KDM4C: variants seen among roughly 807,000 people sequenced by gnomAD.
The protein encoded by KDM4C is lysine demethylase 4C.
KDM4C carries 81 observed loss-of-function variants against 129.3 expected under a neutral mutation model. The ratio of observed to expected loss-of-function variants is 0.63; its 90% confidence interval spans 0.52 to 0.75. KDM4C has a LOEUF of 0.75. Ranked by LOEUF, KDM4C falls within the 30% of genes least tolerant of loss-of-function variation. The probability of loss-of-function intolerance (pLI) is 0.00; values close to 1 mark genes in which losing one functional copy is unlikely to be tolerated. For synonymous variants in KDM4C, 573 were observed against 456.1 expected, an observed-to-expected ratio of 1.26 and a Z score of -3.26; for missense variants, 1,457 against 1,304.0, an observed-to-expected ratio of 1.12 and a Z score of -1.81.
rs1388649805 is a variant in KDM4C at position 7,103,665 on chromosome 9, T to C, written c.2425-20T>C. 3.2e-5 allele frequency: 52 copies of C among 1,602,038 alleles called. No individual in the cohort carries two copies. Among genetic ancestry groups the C allele is most frequent in the Non-Finnish European group, 4.2e-5 (49 of 1,169,438 alleles). ...GTTACAGAATGTGAATTGATGTTCTTCTCTGTTTTAACCTTCCAGAAATGC... is the reference window on the plus strand; with the variant it reads ...GTTACAGAATGTGAATTGATGTTCTCCTCTGTTTTAACCTTCCAGAAATGC... On this transcript the variant is annotated intron_variant, in intron 17 of 21. Coordinates refer to ENST00000381309, the MANE Select transcript of KDM4C (RefSeq NM_015061.6).
At chr9:7,058,081 C>G (rs1564058191) in intron 17 of KDM4C, among the ~76,000 whole-genome samples, 1 of 152,112 alleles carries the variant, frequency 6.6e-6, no homozygotes, top group Non-Finnish European at 1.5e-5. Context: ...TTTTCTCCAC[C>G]TTCTTGTAGA....
intron 19 of KDM4C, among the ~76,000 whole-genome samples, chr9:7,153,887 C>G (rs1448812436): frequency 6.6e-6 from 1 of 152,218 alleles, no homozygotes; most frequent in African/African-American, 2.4e-5. Context: ...AGGAAGGACA[C>G]ACTGCCTCCC....
chr9:7,128,191 T>C lies in KDM4C; in HGVS notation c.2736T>C (p.Phe912=), dbSNP rs1840226748. ...VTSQTFYEVM[F]DDGSFSRDTF... is the part of the protein sequence containing the mutation. ...CGCAGACCTTCTATGAGGTCATGTT[T>C]GATGATGGCTCCTTTAGCAGAGACA... Residue 912 remains phenylalanine, a synonymous_variant, in exon 19 of 22, where the codon TTT becomes TTC. Coordinates refer to ENST00000381309, the MANE Select transcript of KDM4C (RefSeq NM_015061.6). 6.2e-7 allele frequency: 1 copy of C among 1,609,556 alleles called. No individual in the cohort carries two copies. The highest frequency in any genetic ancestry group is 8.5e-7 in the Non-Finnish European group (1 of 1,178,118).
At chr9:6,950,892 C>T (rs1241689978) in intron 8 of KDM4C, among the ~76,000 whole-genome samples, 1 of 152,164 alleles carries the variant, frequency 6.6e-6, no homozygotes, top group African/African-American at 2.4e-5. Context: ...GTAGTCATGC[C>T]ATGAACCTTT....
rs1587226934 is a variant in KDM4C at position 7,046,933 on chromosome 9, A to G, written c.2315+16A>G. On this transcript the variant is annotated intron_variant, in intron 16 of 21. Transcript: ENST00000381309. ...AGAACAATAAGTAAGTAATACATTA[A>G]TTGTGTTGAATTTCATTATTTTTCT... is the stretch of plus-strand genomic sequence containing the variant. 6.7e-7 allele frequency: 1 copy of G among 1,502,552 alleles called. No individual in the cohort carries two copies. Among genetic ancestry groups the G allele is most frequent in the African/African-American group, 1.4e-5 (1 of 73,084 alleles). The allele number at this position is 1,502,552 out of a possible 1,614,324, so 93.1% of individuals were successfully genotyped here. A position where few individuals can be genotyped will look rare whatever the true frequency, so the allele number is the denominator to read the frequency against.
At chr9:6,872,237 G>C (rs567572898) in intron 5 of KDM4C, among the ~76,000 whole-genome samples, 3 of 152,208 alleles carry the variant, frequency 2.0e-5, no homozygotes, top group Non-Finnish European at 4.4e-5. Context: ...GCTGAAGGCT[G>C]ATAAAGGTTG....
chr9:7,125,260 C>G (rs1034015113), intron 18 of KDM4C, among the ~76,000 whole-genome samples: 1 of 152,154 alleles, frequency 6.6e-6, no homozygotes, highest in Non-Finnish European at 1.5e-5. Flanking sequence ...GTCACTCTGT[C>G]TGTCCTTGAT....
intron 5 of KDM4C, among the ~76,000 whole-genome samples, chr9:6,873,111 C>T (rs1305475715): frequency 2.0e-5 from 3 of 152,134 alleles, no homozygotes; most frequent in Non-Finnish European, 4.4e-5. Context: ...GATTCCCCTG[C>T]CCAGACTCCC....
At chr9:7,092,841 C>T (rs1164640615) in intron 17 of KDM4C, among the ~76,000 whole-genome samples, 6 of 152,008 alleles carry the variant, frequency 3.9e-5, no homozygotes, top group Admixed American at 3.9e-4. Context: ...GCTTGGGTAA[C>T]TGACTGTTCT....
intron 19 of KDM4C, among the ~76,000 whole-genome samples, chr9:7,154,809 G>A (rs1040189724): frequency 5.3e-5 from 8 of 152,264 alleles, no homozygotes; most frequent in Admixed American, 4.6e-4. Context: ...GGCAGCTCCA[G>A]ACACCAGTGT....
At chr9:6,899,582 G>T (rs1184561866) in intron 8 of KDM4C, among the ~76,000 whole-genome samples, 4 of 144,858 alleles carry the variant, frequency 2.8e-5, no homozygotes, top group Non-Finnish European at 6.1e-5. Context: ...TAACTTGCTA[G>T]CTCATGAGAA....
intron 17 of KDM4C, among the ~76,000 whole-genome samples, chr9:7,081,120 G>A (rs1473149471): frequency 6.6e-6 from 1 of 152,224 alleles, no homozygotes; most frequent in Non-Finnish European, 1.5e-5. Flanking sequence ...GGAAGGCTGA[G>A]TAACTGATCT....
At position 6,739,981 on chromosome 9, in the gene KDM4C, G is replaced by A. The variant is rs146124074; in HGVS notation, c.49+18984G>A. On this transcript the variant is annotated intron_variant, in intron 1 of 17. Coordinates refer to the KDM4C transcript ENST00000536108. ...CTTGGCTCACTGAAACTTCTGCCTCGTGGGTTCAAGTGATTCTCCTGCCTC... is the reference window on the plus strand; with the variant it reads ...CTTGGCTCACTGAAACTTCTGCCTCATGGGTTCAAGTGATTCTCCTGCCTC... Among the ~76,000 whole-genome samples, 297 of 151,772 alleles carry A rather than the reference G, an allele frequency of 2.0e-3. 4 individuals carry two copies. The highest frequency in any genetic ancestry group is 5.7e-3 in the African/African-American group (236 of 41,394).
intron 1 of KDM4C, among the ~76,000 whole-genome samples, chr9:6,744,056 G>A (rs1047873770): frequency 2.5e-4 from 27 of 109,790 alleles, no homozygotes; most frequent in African/African-American, 9.6e-4. Flanking sequence ...CCCCTCTCCA[G>A]TTCTATGTAA....
chr9:6,941,842 C>G (rs3818898), intron 8 of KDM4C: 39,458 of 152,142 alleles, frequency 0.26, 5,563 homozygotes, highest in South Asian at 0.43. Context: ...GTGTATGTTT[C>G]TGTGTCTGTG....
At chr9:6,836,648 A>G (rs954039768) in intron 4 of KDM4C, among the ~76,000 whole-genome samples, 3 of 152,138 alleles carry the variant, frequency 2.0e-5, no homozygotes, top group Admixed American at 1.3e-4. Flanking sequence ...TTTTAACACA[A>G]TATGTTTAGT....
chr9:6,975,223 C>T (rs989055186), intron 8 of KDM4C, among the ~76,000 whole-genome samples: 2 of 152,156 alleles, frequency 1.3e-5, no homozygotes, highest in East Asian at 3.8e-4. Context: ...GGGAAAGAAA[C>T]TTATTTTGGA....
chr9:6,971,693 C>T (rs926294016), intron 8 of KDM4C, among the ~76,000 whole-genome samples: 6 of 152,158 alleles, frequency 3.9e-5, no homozygotes, highest in African/African-American at 1.4e-4. Flanking sequence ...ATATTTATGA[C>T]ATGTTTCATA....
At chr9:6,876,463 A>T (rs1158534270) in intron 5 of KDM4C, among the ~76,000 whole-genome samples, 3 of 152,178 alleles carry the variant, frequency 2.0e-5, no homozygotes, top group Non-Finnish European at 4.4e-5. Context: ...TGTCTCTTAG[A>T]TGGTGCTTTC....
Sources: gnomAD v4.1 joint callset for allele counts (sites outside exome capture counted in the v4.1 genomes callset) on GRCh38, gnomAD v4.1.1 for gene constraint, MANE v1.5 for transcripts, NCBI Gene and HGNC (gene_info 2026-07-23, HGNC 2026-07-21) for gene names.